The following ATP6V1B2 variants were observed in gnomAD, a reference collection of about 807,000 sequenced individuals.
The protein encoded by ATP6V1B2 is ATPase H+ transporting V1 subunit B2.
In ATP6V1B2, 23 loss-of-function variants were observed where a neutral mutation model predicts 66.7. The ratio of observed to expected loss-of-function variants is 0.34; its 90% CI spans 0.25 to 0.49. ATP6V1B2 has a LOEUF of 0.49. ATP6V1B2 is among the 20% of genes least tolerant of loss of function. ATP6V1B2 has a pLI of 0.99. For missense variants in ATP6V1B2, 478 were observed against 650.8 expected, an observed-to-expected ratio of 0.73 and a Z score of 2.89; for synonymous variants, 278 against 236.7, an observed-to-expected ratio of 1.17 and a Z score of -1.60.
At chr8:20,219,929 C>G (rs1049573128) in intron 13 of ATP6V1B2, among the ~76,000 whole-genome samples, 5 of 152,138 alleles carry the variant, frequency 3.3e-5, no homozygotes, top group African/African-American at 1.2e-4. Context: ...GCTAGGGAGA[C>G]TTTTCTTACT....
At chr8:20,217,437 T>C in intron 12 of ATP6V1B2, 113 bp downstream of exon 12, 1 of 929,730 alleles carries the variant, frequency 1.1e-6, no homozygotes, top group Non-Finnish European at 1.7e-6. Context: ...CATGGAATTT[T>C]AGTGTAGGCT....
At chr8:20,202,370 C>T (rs538349137) in intron 1 of ATP6V1B2, among the ~76,000 whole-genome samples, 1 of 152,278 alleles carries the variant, frequency 6.6e-6, no homozygotes, top group East Asian at 1.9e-4. Context: ...TCTTCTAAAA[C>T]TTAGAATAAT....
Position 20,221,290 on chromosome 8 carries a change from A to G in ATP6V1B2, c.*888A>G, listed in dbSNP as rs1401515432. The G allele has an allele frequency of 2.0e-5, 3 of 152,210 alleles. No homozygotes were observed. Among genetic ancestry groups the G allele is most frequent in the Non-Finnish European group, 4.4e-5 (3 of 68,032 alleles). The allele number at this position is 152,210 out of a possible 1,614,324, so 9.4% of individuals were successfully genotyped here. On this transcript the variant is annotated 3_prime_UTR_variant, in exon 14 of 14. Transcript: ENST00000276390. Reference sequence around the variant, plus strand: ...GCAAGGGGAGGGAGCAGAAGCACTTATGTTTACGGATATTTTAAACTCTGT... The same window carrying G: ...GCAAGGGGAGGGAGCAGAAGCACTTGTGTTTACGGATATTTTAAACTCTGT...
chr8:20,215,386 GAGAC>G (rs1480134474), intron 10 of ATP6V1B2: 1 of 152,828 alleles, frequency 6.5e-6, no homozygotes, highest in Admixed American at 6.5e-5. Flanking sequence ...ACAAAACTGA[GAGAC>G]AGATTTTTTT....
At chr8:20,208,955 C>T (rs1315575219) in intron 2 of ATP6V1B2, among the ~76,000 whole-genome samples, 2 of 152,128 alleles carry the variant, frequency 1.3e-5, no homozygotes, top group East Asian at 3.9e-4. Flanking sequence ...ATTATCTGCC[C>T]ATCTTAGCTT....
chr8:20,204,746 T>C (rs934476085), intron 2 of ATP6V1B2, among the ~76,000 whole-genome samples: 16 of 152,136 alleles, frequency 1.1e-4, no homozygotes, highest in Non-Finnish European at 2.2e-4. Flanking sequence ...CAAAATATCA[T>C]CCAAGAAAAT....
chr8:20,201,900 G>T (rs577397384), intron 1 of ATP6V1B2, among the ~76,000 whole-genome samples: 1 of 152,260 alleles, frequency 6.6e-6, no homozygotes, highest in African/African-American at 2.4e-5. Context: ...GTGGTTCAGG[G>T]CATCACATGG....
At position 20,207,097 on chromosome 8, in the gene ATP6V1B2, A is replaced by G. The variant is rs142855352; in HGVS notation, c.193-2336A>G. Among the ~76,000 whole-genome samples, 602 of 152,358 alleles carry G rather than the reference A, an allele frequency of 4.0e-3. 3 individuals carry two copies. Among genetic ancestry groups the G allele is most frequent in the African/African-American group, 0.013 (556 of 41,582 alleles). ...CCAGAGTAACTATTTACAGAAAACTATAAAACATTGTGAAAGACCATAAAA... is the reference window on the plus strand; with the variant it reads ...CCAGAGTAACTATTTACAGAAAACTGTAAAACATTGTGAAAGACCATAAAA... On this transcript the variant is annotated intron_variant, in intron 2 of 13. Coordinates refer to ENST00000276390, the MANE Select transcript of ATP6V1B2 (RefSeq NM_001693.4).
rs531196771 is a variant in ATP6V1B2, at chr8:20,208,946, T to G, written c.193-487T>G. Among the ~76,000 whole-genome samples the G allele has an allele frequency of 2.8e-3, 430 of 152,194 alleles. 1 individual carries two copies. The highest frequency in any genetic ancestry group is 3.9e-3 in the Non-Finnish European group (263 of 67,996). On this transcript the variant is annotated intron_variant, in intron 2 of 13. Coordinates refer to ENST00000276390, the MANE Select transcript of ATP6V1B2 (RefSeq NM_001693.4). ...CTGGTCTCGAACTCCTGACTTCAGA[T>G]TATCTGCCCATCTTAGCTTCCCAAA...
chr8:20,200,422 C>T (rs1360759202), intron 1 of ATP6V1B2, among the ~76,000 whole-genome samples: 1 of 152,122 alleles, frequency 6.6e-6, no homozygotes, highest in African/African-American at 2.4e-5. Context: ...GTGTAACTTG[C>T]ATTTAAACTC....
intron 12 of ATP6V1B2, 117 bp downstream of exon 12, chr8:20,217,441 G>A: frequency 2.2e-6 from 2 of 909,222 alleles, no homozygotes; most frequent in Non-Finnish European, 3.5e-6. Context: ...GAATTTTAGT[G>A]TAGGCTTGAT....
At position 20,212,784 on chromosome 8, in the gene ATP6V1B2, T is replaced by C. The variant is rs767252704; in HGVS notation, c.806T>C (p.Ile269Thr). 6.2e-7 allele frequency: 1 copy of C among 1,613,198 alleles called. No homozygotes were observed. Residue 269 changes from isoleucine (I) to threonine (T), a missense_variant and splice_region_variant, in exon 9 of 14, where the codon ATT becomes ACT. Coordinates refer to ENST00000276390, the MANE Select transcript of ATP6V1B2 (RefSeq NM_001693.4). ...TAAGACTTAATGTTCCCTTTCAGCA[T>C]TGAGCGAATTATCACTCCTCGCCTG... The part of the protein sequence containing the change: ...LFLNLANDPT[I>T]ERIITPRLAL...
chr8:20,219,775 A>G (rs2072889825), intron 13 of ATP6V1B2, among the ~76,000 whole-genome samples: 1 of 152,212 alleles, frequency 6.6e-6, no homozygotes, highest in African/African-American at 2.4e-5. Flanking sequence ...AATTTTAACA[A>G]CTTGGGAAAC....
intron 11 of ATP6V1B2, chr8:20,217,005 T>C (rs989909832): frequency 5.6e-6 from 3 of 536,418 alleles, no homozygotes; most frequent in African/African-American, 3.8e-5. Flanking sequence ...GATGACACTT[T>C]TTTGGATTTG....
At chr8:20,201,130 A>G (rs1185381519) in intron 1 of ATP6V1B2, among the ~76,000 whole-genome samples, 2 of 152,224 alleles carry the variant, frequency 1.3e-5, no homozygotes, top group Non-Finnish European at 1.5e-5. Context: ...GTTCAGAATC[A>G]AAGCCAAGAC....
chr8:20,216,555 G>T, intron 11 of ATP6V1B2, 60 bp downstream of exon 11: 3 of 1,496,112 alleles, frequency 2.0e-6, no homozygotes, highest in South Asian at 1.2e-5. Flanking sequence ...ATTCTTTAGT[G>T]ACTTGGATTT....
chr8:20,198,009 G>T (rs1328515080), intron 1 of ATP6V1B2, among the ~76,000 whole-genome samples: 1 of 152,228 alleles, frequency 6.6e-6, no homozygotes, highest in African/African-American at 2.4e-5. Flanking sequence ...CTTCGCTGAC[G>T]TGGTCAGGCC....
intron 13 of ATP6V1B2, 120 bp from the exon 14 acceptor site, chr8:20,220,143 C>A: frequency 8.7e-7 from 1 of 1,147,442 alleles, no homozygotes; most frequent in Non-Finnish European, 1.2e-6. Context: ...TCTTGGGAGT[C>A]CCAACTTTTT....
intron 8 of ATP6V1B2, among the ~76,000 whole-genome samples, chr8:20,212,576 AC>A (rs2072806282): frequency 6.6e-6 from 1 of 152,210 alleles, no homozygotes; most frequent in Non-Finnish European, 1.5e-5. Context: ...GTGTTGAGAA[AC>A]CATACAACTG....
Sources: allele counts gnomAD v4.1 joint callset (sites outside exome capture counted in the v4.1 genomes callset), GRCh38; gene constraint gnomAD v4.1.1; transcripts MANE v1.5; gene names NCBI Gene and HGNC (gene_info 2026-07-23, HGNC 2026-07-21).